The following FAAH2 variants were observed in gnomAD, a reference collection of about 807,000 sequenced individuals.
FAAH2 encodes the protein fatty-acid amide hydrolase 2.
In FAAH2, 60 loss-of-function variants were observed where a neutral mutation model predicts 36.9. That is an observed-to-expected ratio of 1.63 (90% CI 1.32 to 2.02). The LOEUF (loss-of-function observed/expected upper bound fraction) is 2.02. Among genes scored for constraint, FAAH2 ranks in the 30% most tolerant of loss-of-function variants. The probability of loss-of-function intolerance (pLI) is 0.00; values close to 1 mark genes in which losing one functional copy is unlikely to be tolerated. For synonymous variants in FAAH2, 214 were observed against 143.8 expected, an observed-to-expected ratio of 1.49 and a Z score of -3.49; for missense variants, 689 against 397.5, an observed-to-expected ratio of 1.73 and a Z score of -6.23.
chrX:57,404,021 G>C lies in FAAH2; in HGVS notation c.996+22992G>C, dbSNP rs778495414. Reference sequence around the variant, plus strand: ...GCTCACAATGAGGTTTCCTCTAAAGGCTAATTTTCTACTTTCTTCTGTTAG... The same window carrying C: ...GCTCACAATGAGGTTTCCTCTAAAGCCTAATTTTCTACTTTCTTCTGTTAG... On this transcript the variant is annotated intron_variant, in intron 7 of 10. Transcript: ENST00000374900. Among the ~76,000 whole-genome samples, 3 of 112,490 alleles carry C rather than the reference G, an allele frequency of 2.7e-5. No individual in the cohort carries two copies. The East Asian group carries it at 8.4e-4, about 31-fold the overall frequency.
At position 57,301,093 on chromosome X, in the gene FAAH2, C is replaced by A. The variant is rs2052347151; in HGVS notation, c.275+8513C>A. Among the ~76,000 whole-genome samples, 6 of 107,924 alleles carry A rather than the reference C, an allele frequency of 5.6e-5. No homozygotes were observed. The South Asian group carries it at 2.5e-3, about 46-fold the overall frequency. 93.7% of individuals were successfully genotyped at this position (107,924 alleles called of 115,157 possible). ...TCTAGAACTAGAAATACCATTTGAT[C>A]CAGCCATCCCATTACTGGGTATATA... On this transcript the variant is annotated intron_variant, in intron 2 of 10. Coordinates refer to ENST00000374900, the MANE Select transcript of FAAH2 (RefSeq NM_174912.4).
the FAAH2 span, among the ~76,000 whole-genome samples, chrX:57,276,744 T>G: frequency 3.6e-5 from 4 of 111,149 alleles, no homozygotes; most frequent in Admixed American, 3.8e-4. Context: ...AAAGGGGATA[T>G]CACCACCAAT....
the FAAH2 span, among the ~76,000 whole-genome samples, chrX:57,260,193 C>G: frequency 9.0e-6 from 1 of 111,212 alleles, no homozygotes; most frequent in African/African-American, 3.3e-5. Context: ...ATTATAAAGC[C>G]ATAGTAATCA....
chrX:57,376,072 T>C (rs1211252469), intron 5 of FAAH2, among the ~76,000 whole-genome samples: 6 of 111,413 alleles, frequency 5.4e-5, no homozygotes, highest in African/African-American at 2.0e-4. Flanking sequence ...TATTATTCTG[T>C]TTCATTATCT....
the FAAH2 span, among the ~76,000 whole-genome samples, chrX:57,194,985 A>T: frequency 2.7e-5 from 3 of 110,951 alleles, no homozygotes; most frequent in Non-Finnish European, 5.7e-5. Context: ...AAGTGTGTAT[A>T]TATCACATTT....
At chrX:57,152,862 C>T in the FAAH2 span, among the ~76,000 whole-genome samples, 2 of 111,169 alleles carry the variant, frequency 1.8e-5, no homozygotes, top group African/African-American at 6.6e-5. Context: ...CTGCATTGCT[C>T]ACACTGGGAG....
the FAAH2 span, among the ~76,000 whole-genome samples, chrX:57,172,910 G>A: frequency 1.8e-5 from 2 of 112,019 alleles, no homozygotes; most frequent in African/African-American, 6.5e-5. Context: ...TGACTGCTAA[G>A]GTCTCTGTGT....
the FAAH2 span, among the ~76,000 whole-genome samples, chrX:57,148,240 TGC>T: frequency 8.2e-4 from 92 of 111,856 alleles, no homozygotes; most frequent in African/African-American, 2.5e-3. Flanking sequence ...GACTTGGTGA[TGC>T]AGGCTCTTTT....
At chrX:57,224,126 G>A in the FAAH2 span, among the ~76,000 whole-genome samples, 5 of 111,327 alleles carry the variant, frequency 4.5e-5, no homozygotes, top group Non-Finnish European at 9.4e-5. Context: ...CAGACTCTGA[G>A]CCACTCAGAT....
chrX:57,440,843 G>T (rs932716994), intron 8 of FAAH2, among the ~76,000 whole-genome samples: 1 of 111,589 alleles, frequency 9.0e-6, no homozygotes, highest in African/African-American at 3.3e-5. Context: ...GGCCTTTTCT[G>T]CATCTATTGA....
In FAAH2 at chrX:57,328,853, G is replaced by A. The variant is rs747864235; in HGVS notation, c.413-2745G>A. Among the ~76,000 whole-genome samples the A allele has an allele frequency of 3.5e-4, 39 of 111,506 alleles. 1 individual carries two copies. The highest frequency in any genetic ancestry group is 1.2e-3 in the African/African-American group (38 of 30,694). ...AGACTCAGCTCAGTACTCCTGGATTGCATGCTCTAACTCTGGGGGACTGGT... is the reference window on the plus strand; with the variant it reads ...AGACTCAGCTCAGTACTCCTGGATTACATGCTCTAACTCTGGGGGACTGGT... On this transcript the variant is annotated intron_variant, in intron 3 of 10. Transcript: ENST00000374900.
At position 57,312,169 on chromosome X, in the gene FAAH2, G is replaced by A. The variant is rs748820131; in HGVS notation, c.412+1440G>A. Among the ~76,000 whole-genome samples, 3 of 112,486 alleles carry A rather than the reference G, an allele frequency of 2.7e-5. No homozygotes were observed. In the Admixed American group the frequency reaches 2.8e-4, roughly 11 times the overall value. On this transcript the variant is annotated intron_variant, in intron 3 of 10. Transcript: ENST00000374900. ...TCCCAGGAGCAGATCTGGTGAGGGAGGTGCTGTCTCTTTCTGCTCTCCCAA... is the reference window on the plus strand; with the variant it reads ...TCCCAGGAGCAGATCTGGTGAGGGAAGTGCTGTCTCTTTCTGCTCTCCCAA...
At chrX:57,148,099 C>T in the FAAH2 span, among the ~76,000 whole-genome samples, 1 of 110,285 alleles carries the variant, frequency 9.1e-6, no homozygotes, top group Non-Finnish European at 1.9e-5. Context: ...TCTGGGGGCT[C>T]TGTTCTGTTT....
chrX:57,325,534 TC>T (rs1482882081), intron 3 of FAAH2, among the ~76,000 whole-genome samples: 1 of 110,655 alleles, frequency 9.0e-6, no homozygotes, highest in Admixed American at 9.7e-5. Flanking sequence ...ATTAGTCTAT[TC>T]AGAGATTGAA....
chrX:57,439,349 C>A (rs1405228529), intron 8 of FAAH2, among the ~76,000 whole-genome samples: 3 of 111,623 alleles, frequency 2.7e-5, no homozygotes, highest in East Asian at 5.6e-4. Flanking sequence ...TCTCTGATGG[C>A]CAGTGATGAT....
At chrX:57,413,594 C>A (rs929147167) in intron 7 of FAAH2, among the ~76,000 whole-genome samples, 2 of 111,658 alleles carry the variant, frequency 1.8e-5, no homozygotes, top group African/African-American at 6.5e-5. Flanking sequence ...GTTTTGGTAC[C>A]ATGCTGTTTT....
chrX:57,183,136 A>G, the FAAH2 span, among the ~76,000 whole-genome samples: 1 of 111,183 alleles, frequency 9.0e-6, no homozygotes, highest in Non-Finnish European at 1.9e-5. Flanking sequence ...TTGGTAATGA[A>G]GTAAGGTATA....
intron 1 of FAAH2, among the ~76,000 whole-genome samples, chrX:57,291,758 C>T (rs1473527151): frequency 9.0e-6 from 1 of 110,850 alleles, no homozygotes; most frequent in Non-Finnish European, 1.9e-5. Context: ...TAAGAATTAA[C>T]ATTAAAACTA....
chrX:57,388,495 G>T (rs892316855), intron 7 of FAAH2, among the ~76,000 whole-genome samples: 12 of 110,994 alleles, frequency 1.1e-4, no homozygotes, highest in Admixed American at 9.6e-4. Flanking sequence ...TTTATTTTTA[G>T]AACAGTTATA....
Sources: allele counts gnomAD v4.1 joint callset (sites outside exome capture counted in the v4.1 genomes callset), GRCh38; gene constraint gnomAD v4.1.1; transcripts MANE v1.5; gene names NCBI Gene and HGNC (gene_info 2026-07-23, HGNC 2026-07-21).